The following AHI1 variants were observed in gnomAD, a reference collection of about 807,000 sequenced individuals.
AHI1 encodes the protein jouberin.
Under a neutral mutation model 149.3 loss-of-function variants are expected in AHI1, and 123 were observed. The ratio of observed to expected loss-of-function variants is 0.82; its 90% CI spans 0.71 to 0.96. AHI1 has a LOEUF of 0.96. AHI1 is among the 40% of genes least tolerant of loss of function. The pLI, the probability that AHI1 is intolerant of heterozygous loss-of-function variation, is 0.00. For missense variants in AHI1, 1,439 were observed against 1,422.7 expected (o/e 1.01, Z -0.18); for synonymous variants, 475 against 459.8 (o/e 1.03, Z -0.42).
At chr6:135,358,551 G>A (rs1410211349) in intron 23 of AHI1, among the ~76,000 whole-genome samples, 1 of 152,156 alleles carries the variant, frequency 6.6e-6, no homozygotes, top group Non-Finnish European at 1.5e-5. Flanking sequence ...TTAAAAAGAA[G>A]TATCACAAGG....
At position 135,286,164 on chromosome 6, in the gene AHI1, G is replaced by C. The variant is rs564500808; in HGVS notation, c.3589-517C>G. On this transcript the variant is annotated intron_variant, in intron 28 of 28. Coordinates refer to ENST00000265602, the MANE Select transcript of AHI1 (RefSeq NM_001134831.2). ...ATTTTTCAAATCAATTAAAAAATGG[G>C]CTGTCTCATTTTTGACCAAGATAGT... 1.3e-5 allele frequency among the ~76,000 whole-genome samples: 2 copies of C among 152,272 alleles called. 1 individual carries two copies. The highest frequency in any genetic ancestry group is 4.1e-4 in the South Asian group (2 of 4,824).
At position 135,411,330 on chromosome 6, in the gene AHI1, TGC is replaced by T. The variant is rs746607343; in HGVS notation, c.2961+16_2961+17del. ...ATAGAAATAGTTTTAAAGTTTCAACTGCATAAAATAAACTTACTGTGACAGTT... is the reference window on the plus strand; with the variant it reads ...ATAGAAATAGTTTTAAAGTTTCAACTATAAAATAAACTTACTGTGACAGTT... On this transcript the variant is annotated intron_variant, in intron 21 of 28. Transcript: ENST00000265602. 0.012 allele frequency: 19,298 copies of T among 1,605,716 alleles called. 139 individuals are homozygous for T. The highest frequency in any genetic ancestry group is 0.022 in the Middle Eastern group (135 of 6,050).
intron 7 of AHI1, among the ~76,000 whole-genome samples, chr6:135,464,286 AAGG>A (rs1246566201): frequency 6.6e-6 from 1 of 152,192 alleles, no homozygotes; most frequent in East Asian, 1.9e-4. Flanking sequence ...CCTGTTCTTT[AAGG>A]AGAACAGCTA....
intron 27 of AHI1, among the ~76,000 whole-genome samples, chr6:135,291,563 T>C (rs879545048): frequency 6.6e-6 from 1 of 152,174 alleles, no homozygotes; most frequent in Non-Finnish European, 1.5e-5. Flanking sequence ...TGCTGGCACC[T>C]TGATCTTGGG....
At chr6:135,491,407 A>C (rs1795228093) in intron 4 of AHI1, among the ~76,000 whole-genome samples, 1 of 152,056 alleles carries the variant, frequency 6.6e-6, no homozygotes, top group African/African-American at 2.4e-5. Context: ...TCCCACATGA[A>C]GCTGTTTCTG....
intron 24 of AHI1, among the ~76,000 whole-genome samples, chr6:135,357,554 T>C (rs575140889): frequency 6.6e-6 from 1 of 152,200 alleles, no homozygotes; most frequent in South Asian, 2.1e-4. Flanking sequence ...GACTTATGAA[T>C]GCAAAGGATA....
intron 24 of AHI1, among the ~76,000 whole-genome samples, chr6:135,337,864 A>G (rs1419376644): frequency 6.6e-6 from 1 of 151,976 alleles, no homozygotes; most frequent in African/African-American, 2.4e-5. Context: ...TGCTTATTTT[A>G]CTAAAATACC....
Position 135,428,647 on chromosome 6 carries a change from C to T in AHI1, c.2605G>A (p.Val869Ile). The T allele has an allele frequency of 1.2e-6, 2 of 1,604,870 alleles. No individual in the cohort carries two copies. The highest frequency in any genetic ancestry group is 2.2e-5 in the South Asian group (2 of 89,240). ...CATTCACCTGTTTCTGGGTTCCAAA[C>T]ATACACTATACCATCCTCACTTCCA... ...FAGSEDGIVY[V>I]WNPETGEQVA... is the part of the protein sequence containing the mutation. Residue 869 changes from valine to isoleucine, a missense_variant, in exon 19 of 29, where the codon GTT (valine) becomes ATT (isoleucine). Val to Ile is a conservative substitution (Grantham distance 29). Transcript: ENST00000265602.
intron 8 of AHI1, 81 bp downstream of exon 8, chr6:135,463,044 C>T: frequency 9.3e-7 from 1 of 1,075,982 alleles, no homozygotes; most frequent in Admixed American, 2.8e-5. Context: ...GTATACCCAT[C>T]AGTTTTAAAG....
chr6:135,439,834 T>C (rs952877844), intron 14 of AHI1, among the ~76,000 whole-genome samples: 1 of 152,090 alleles, frequency 6.6e-6, no homozygotes, highest in African/African-American at 2.4e-5. Context: ...CTGAGGGTCT[T>C]AGAACATATA....
At chr6:135,310,619 T>C (rs548217213) in intron 26 of AHI1, among the ~76,000 whole-genome samples, 8 of 152,368 alleles carry the variant, frequency 5.3e-5, no homozygotes, top group Non-Finnish European at 1.0e-4. Flanking sequence ...GACATTCCTC[T>C]GCTCATGTGA....
chr6:135,479,705 C>T (rs1793293733), intron 5 of AHI1, among the ~76,000 whole-genome samples: 1 of 152,076 alleles, frequency 6.6e-6, no homozygotes, highest in Non-Finnish European at 1.5e-5. Flanking sequence ...GTTGAGAAAG[C>T]ATGATTGTGT....
chr6:135,388,152 A>G, intron 23 of AHI1: 1 of 1,125,192 alleles, frequency 8.9e-7, no homozygotes. Context: ...TTTGTAGATT[A>G]CCTATTAATC....
chr6:135,287,725 A>G (rs1483550844), intron 28 of AHI1, among the ~76,000 whole-genome samples: 1 of 152,258 alleles, frequency 6.6e-6, no homozygotes, highest in Non-Finnish European at 1.5e-5. Flanking sequence ...CATTCTTCTT[A>G]GCAAGCTTAT....
At chr6:135,436,152 T>A (rs571967224) in intron 15 of AHI1, among the ~76,000 whole-genome samples, 2 of 152,164 alleles carry the variant, frequency 1.3e-5, no homozygotes, top group South Asian at 4.2e-4. Context: ...CTGGGAAAGG[T>A]AAGAGAAACT....
intron 11 of AHI1, among the ~76,000 whole-genome samples, chr6:135,452,872 A>G (rs1788347810): frequency 6.6e-6 from 1 of 152,102 alleles, no homozygotes; most frequent in African/African-American, 2.4e-5. Context: ...TTCCTCAGGA[A>G]TGTTTTCCCT....
At position 135,302,054 on chromosome 6, in the gene AHI1, T is replaced by G. The variant is rs1783942553; in HGVS notation, c.3427-1496A>C. On this transcript the variant is annotated intron_variant, in intron 26 of 28. Coordinates refer to ENST00000265602, the MANE Select transcript of AHI1 (RefSeq NM_001134831.2). ...TTGCTCAGGCTGGAGTACAGTGGCATGATCGTAGCTCACTGCAGCCTTGAA... is the reference window on the plus strand; with the variant it reads ...TTGCTCAGGCTGGAGTACAGTGGCAGGATCGTAGCTCACTGCAGCCTTGAA... 4 of 967,848 alleles carry G rather than the reference T, an allele frequency of 4.1e-6. No homozygotes were observed. The African/African-American group carries it at 7.0e-5, about 17-fold the overall frequency. The allele number at this position is 967,848 out of a possible 1,614,324, so 60.0% of individuals were successfully genotyped here. A position where few individuals can be genotyped will look rare whatever the true frequency, so the allele number is the denominator to read the frequency against.
chr6:135,424,433 A>T (rs1208972045), intron 20 of AHI1, among the ~76,000 whole-genome samples: 1 of 152,022 alleles, frequency 6.6e-6, no homozygotes, highest in East Asian at 1.9e-4. Flanking sequence ...TAGCTTCATA[A>T]ATTTAATTCA....
At chr6:135,364,028 C>T (rs1296372648) in intron 23 of AHI1, among the ~76,000 whole-genome samples, 19 of 147,918 alleles carry the variant, frequency 1.3e-4, no homozygotes, top group South Asian at 4.3e-4. Context: ...CGGGCAGAGG[C>T]GCCCCTCACC....
Sources: gnomAD v4.1 joint callset for allele counts (sites outside exome capture counted in the v4.1 genomes callset) on GRCh38, gnomAD v4.1.1 for gene constraint, MANE v1.5 for transcripts, NCBI Gene and HGNC (gene_info 2026-07-23, HGNC 2026-07-21) for gene names.